The following CNTN5 variants were observed in gnomAD, a reference collection of about 807,000 sequenced individuals.
The protein encoded by CNTN5 is contactin 5.
A neutral mutation model predicts 129.1 loss-of-function variants in CNTN5; 77 were observed. The observed-to-expected ratio is 0.60, with a 90% CI of 0.50 to 0.72. The LOEUF is 0.72. CNTN5 is among the 30% of genes least tolerant of loss of function. The probability of loss-of-function intolerance (pLI) is 0.00; values close to 1 mark genes in which losing one functional copy is unlikely to be tolerated. For synonymous variants in CNTN5, 509 were observed against 465.6 expected, an observed-to-expected ratio of 1.09 and a Z score of -1.20; for missense variants, 1,478 against 1,328.8, an observed-to-expected ratio of 1.11 and a Z score of -1.75.
rs199571522 is a variant in CNTN5 at position 100,308,418 on chromosome 11, G to A, written c.2680G>A (p.Val894Ile). Reference protein sequence around the residue: ...ATSVSVSEILVAWKHIKESLG... With the variant: ...ATSVSVSEILIAWKHIKESLG... The stretch of plus-strand genomic sequence containing the variant: ...AAGTGTGTCTGTGTCAGAGATTCTT[G>A]TTGCATGGAAACACATTAAAGAGAG... Residue 894 changes from valine to isoleucine, a missense_variant, in exon 21 of 25, where the codon GTT becomes ATT. Physicochemically the swap from Val to Ile is conservative, Grantham distance 29. Coordinates refer to ENST00000524871, the MANE Select transcript of CNTN5 (RefSeq NM_014361.4). 2.6e-5 allele frequency: 42 copies of A among 1,611,014 alleles called. No homozygotes were observed. Among genetic ancestry groups the A allele is most frequent in the Non-Finnish European group, 3.4e-5 (40 of 1,177,928 alleles).
At chr11:99,440,943 A>G (rs575874251) in intron 2 of CNTN5, among the ~76,000 whole-genome samples, 2 of 152,246 alleles carry the variant, frequency 1.3e-5, no homozygotes, top group African/African-American at 2.4e-5. Context: ...AGATGATATC[A>G]TAACAGAGCT....
chr11:99,195,030 G>A (rs1858831857), intron 1 of CNTN5, among the ~76,000 whole-genome samples: 1 of 151,974 alleles, frequency 6.6e-6, no homozygotes, highest in Admixed American at 6.6e-5. Flanking sequence ...TTTACTGAAA[G>A]GTGCAATTTG....
chr11:99,942,216 G>T (rs1433758570), intron 7 of CNTN5, among the ~76,000 whole-genome samples: 1 of 152,028 alleles, frequency 6.6e-6, no homozygotes, highest in Non-Finnish European at 1.5e-5. Context: ...GTGTATGACA[G>T]AGTTCCTGCT....
At chr11:100,346,064 A>G (rs1952271820) in intron 23 of CNTN5, among the ~76,000 whole-genome samples, 1 of 152,176 alleles carries the variant, frequency 6.6e-6, no homozygotes, top group African/African-American at 2.4e-5. Context: ...ACATTCCCCA[A>G]TTCAGAATCA....
At position 99,444,328 on chromosome 11, in the gene CNTN5, T is replaced by C. The variant is rs1295487877; in HGVS notation, c.-70-111817T>C. 2.6e-5 allele frequency among the ~76,000 whole-genome samples: 4 copies of C among 152,012 alleles called. No individual in the cohort carries two copies. In the East Asian group the frequency reaches 7.7e-4, roughly 29 times the overall value. On this transcript the variant is annotated intron_variant, in intron 2 of 24. Coordinates refer to ENST00000524871, the MANE Select transcript of CNTN5 (RefSeq NM_014361.4). Reference sequence around the variant, plus strand: ...ATTTGTCAGAAGATAGTACTGAAAATGAAGGAAAGAATAAAGAAACAAAAT... The same window carrying C: ...ATTTGTCAGAAGATAGTACTGAAAACGAAGGAAAGAATAAAGAAACAAAAT...
At chr11:100,302,689 A>G (rs1390962943) in intron 20 of CNTN5, among the ~76,000 whole-genome samples, 4 of 151,570 alleles carry the variant, frequency 2.6e-5, no homozygotes, top group Admixed American at 2.6e-4. Context: ...AGAAAAACTT[A>G]CAAGGCACAC....
chr11:100,187,758 C>T (rs1348184818), intron 13 of CNTN5, among the ~76,000 whole-genome samples: 6 of 152,006 alleles, frequency 3.9e-5, no homozygotes, highest in African/African-American at 1.4e-4. Context: ...GAAACTGGAC[C>T]CCTACCTCTC....
intron 1 of CNTN5, among the ~76,000 whole-genome samples, chr11:99,249,445 A>G (rs768885640): frequency 2.0e-5 from 3 of 152,006 alleles, no homozygotes; most frequent in Non-Finnish European, 2.9e-5. Context: ...TACTATACAG[A>G]CACAGATTAG....
At chr11:99,404,646 G>A (rs1214548749) in intron 2 of CNTN5, among the ~76,000 whole-genome samples, 2 of 152,052 alleles carry the variant, frequency 1.3e-5, no homozygotes, top group Admixed American at 1.3e-4. Flanking sequence ...AGTAAAGACT[G>A]TATGCCTTAA....
intron 13 of CNTN5, among the ~76,000 whole-genome samples, chr11:100,137,263 A>G (rs1301547066): frequency 6.6e-6 from 1 of 152,132 alleles, no homozygotes; most frequent in Non-Finnish European, 1.5e-5. Flanking sequence ...TTTTACCCAT[A>G]TAGGAGGCTT....
intron 2 of CNTN5, among the ~76,000 whole-genome samples, chr11:99,494,722 C>T (rs549330184): frequency 1.3e-5 from 2 of 152,238 alleles, no homozygotes; most frequent in East Asian, 3.9e-4. Context: ...TGCAGGCTAA[C>T]CAAGCTGACG....
At chr11:100,109,638 T>C (rs1360215321) in intron 13 of CNTN5, among the ~76,000 whole-genome samples, 2 of 152,180 alleles carry the variant, frequency 1.3e-5, no homozygotes, top group Non-Finnish European at 2.9e-5. Context: ...ATACTTCAGA[T>C]AGAATTTAGT....
chr11:99,937,469 G>A (rs2136099623), intron 7 of CNTN5, among the ~76,000 whole-genome samples: 1 of 152,280 alleles, frequency 6.6e-6, no homozygotes, highest in Non-Finnish European at 1.5e-5. Context: ...GGCTGACCTC[G>A]CTCAATCAGC....
At chr11:100,194,858 G>A (rs1318014234) in intron 15 of CNTN5, among the ~76,000 whole-genome samples, 1 of 151,894 alleles carries the variant, frequency 6.6e-6, no homozygotes, top group Non-Finnish European at 1.5e-5. Flanking sequence ...ACAAAAATTA[G>A]CCCACTTTCT....
At chr11:100,033,363 T>C (rs536350851) in intron 9 of CNTN5, among the ~76,000 whole-genome samples, 1 of 152,340 alleles carries the variant, frequency 6.6e-6, no homozygotes, top group African/African-American at 2.4e-5. Context: ...ATATGTAGAA[T>C]TACATTGCGT....
chr11:99,224,140 G>T (rs1860551976), intron 1 of CNTN5, among the ~76,000 whole-genome samples: 1 of 148,042 alleles, frequency 6.8e-6, no homozygotes, highest in Non-Finnish European at 1.5e-5. Context: ...TGCAGATAAT[G>T]TAATAGAAAT....
chr11:99,432,469 T>TCTTTTCTTTC (rs1254660556), intron 2 of CNTN5, among the ~76,000 whole-genome samples: 2 of 132,326 alleles, frequency 1.5e-5, no homozygotes, highest in Non-Finnish European at 3.2e-5. Context: ...TCTTTCCTTT[T>TCTTTTCTTTC]CTTTTCTTTT....
At chr11:99,720,936 C>A (rs1943151398) in intron 3 of CNTN5, among the ~76,000 whole-genome samples, 1 of 152,058 alleles carries the variant, frequency 6.6e-6, no homozygotes. Flanking sequence ...AGGTATACAT[C>A]TAACCAGGGT....
intron 3 of CNTN5, among the ~76,000 whole-genome samples, chr11:99,767,955 T>C (rs1410887375): frequency 1.3e-5 from 2 of 152,102 alleles, no homozygotes; most frequent in African/African-American, 2.4e-5. Context: ...ATCTTCAAAC[T>C]AGAGTTTCAT....
Sources: allele counts gnomAD v4.1 joint callset (sites outside exome capture counted in the v4.1 genomes callset), GRCh38; gene constraint gnomAD v4.1.1; transcripts MANE v1.5; gene names NCBI Gene and HGNC (gene_info 2026-07-23, HGNC 2026-07-21).